KIF1B: variants seen among roughly 807,000 people sequenced by gnomAD.
KIF1B encodes the protein kinesin-like protein KIF1B.
In KIF1B, 76 loss-of-function variants were observed where a neutral mutation model predicts 241.9. The observed-to-expected ratio is 0.31, with a 90% CI of 0.26 to 0.38. The LOEUF is 0.38. Ranked by LOEUF, KIF1B falls within the 10% of genes least tolerant of loss-of-function variation. The pLI, the probability that KIF1B is intolerant of heterozygous loss-of-function variation, is 1.00. For missense variants in KIF1B, 1,622 were observed against 2,271.4 expected (o/e 0.71, Z 5.81); for synonymous variants, 750 against 796.7 (o/e 0.94, Z 0.99).
intron 27 of KIF1B, among the ~76,000 whole-genome samples, chr1:10,332,260 T>G (rs1312855837): frequency 6.6e-6 from 1 of 151,684 alleles, no homozygotes; most frequent in African/African-American, 2.4e-5. Context: ...GAGATGGGGT[T>G]TCACCATGTT....
Position 10,261,977 on chromosome 1 carries a change from A to G in KIF1B, c.429+7A>G, listed in dbSNP as rs370895789. On this transcript the variant is annotated splice_region_variant and intron_variant, in intron 5 of 48. Coordinates refer to ENST00000676179, the MANE Select transcript of KIF1B (RefSeq NM_001365951.3). ...AATGTCTTACTCTGTAGAGGTGAGT[A>G]CAGCCGTGAGTTGACACCGTAAGCC... 3.1e-5 allele frequency: 49 copies of G among 1,601,872 alleles called. No homozygotes were observed. The African/African-American group carries it at 4.4e-4, about 14-fold the overall frequency.
rs1638833144 is a variant in KIF1B, at chr1:10,374,570, A to G, written c.5096+105A>G. On this transcript the variant is annotated intron_variant, in intron 46 of 48. Coordinates refer to ENST00000676179, the MANE Select transcript of KIF1B (RefSeq NM_001365951.3). This position sits in a 1 kb window ranked among gnomAD's most constrained non-coding sequence, Gnocchi z 4.3. ...GAGGTCTGTACTGTAGTCTGATGCA[A>G]TCTGTACTGTAGTCTGATGCAAGTT... The G allele has an allele frequency of 6.0e-6, 8 of 1,323,272 alleles. No individual in the cohort carries two copies. The highest frequency in any genetic ancestry group is 1.7e-5 in the Admixed American group (1 of 59,074). 82.0% of individuals were successfully genotyped at this position (1,323,272 alleles called of 1,614,324 possible).
rs1651325468 is a variant in KIF1B, at chr1:10,316,864, A to AT, written c.2116-3175dup. Reference sequence around the variant, plus strand: ...TTACATCTGGGGTTGCAATATGGTGATTTTCCAATTGCCATTTCTTCTGCA... The same window carrying AT: ...TTACATCTGGGGTTGCAATATGGTGATTTTTCCAATTGCCATTTCTTCTGCA... On this transcript the variant is annotated intron_variant, in intron 22 of 48. Transcript: ENST00000676179. Among the ~76,000 whole-genome samples, 5 of 151,002 alleles carry AT rather than the reference A, an allele frequency of 3.3e-5. No homozygotes were observed. The South Asian group carries it at 1.0e-3, about 31-fold the overall frequency.
At chr1:10,222,645 G>A (rs1049890756) in intron 1 of KIF1B, among the ~76,000 whole-genome samples, 7 of 152,258 alleles carry the variant, frequency 4.6e-5, no homozygotes, top group African/African-American at 1.7e-4. Context: ...GGGCAAGTGG[G>A]AATTCTACAA....
chr1:10,282,578 C>T, intron 15 of KIF1B, 45 bp downstream of exon 15: 1 of 1,473,056 alleles, frequency 6.8e-7, no homozygotes, highest in Non-Finnish European at 9.5e-7. Flanking sequence ...TATGTAGCTC[C>T]ACAAGGAAGA....
intron 27 of KIF1B, among the ~76,000 whole-genome samples, chr1:10,327,593 G>C (rs2102303559): frequency 6.6e-6 from 1 of 152,002 alleles, no homozygotes; most frequent in South Asian, 2.1e-4. Context: ...ATTGTCTCTG[G>C]CTCTCAGTTT....
intron 22 of KIF1B, among the ~76,000 whole-genome samples, chr1:10,302,809 G>A (rs560114959): frequency 6.6e-6 from 1 of 152,182 alleles, no homozygotes; most frequent in Non-Finnish European, 1.5e-5. Context: ...GTTAAGTCAC[G>A]CCATTTGAAT....
At chr1:10,304,551 CAA>C in intron 22 of KIF1B, 1 of 1,614,040 alleles carries the variant, frequency 6.2e-7, no homozygotes, top group Non-Finnish European at 8.5e-7. Flanking sequence ...AGCAGACTGA[CAA>C]ACCCAGCCAC....
At chr1:10,300,347 T>A (rs1445400855) in intron 22 of KIF1B, among the ~76,000 whole-genome samples, 2 of 151,492 alleles carry the variant, frequency 1.3e-5, no homozygotes, top group Non-Finnish European at 2.9e-5. Context: ...GTTTTTAGTA[T>A]CACCATCAAT....
chr1:10,343,352 CTT>C, intron 34 of KIF1B, 65 bp downstream of exon 34: 1 of 1,478,236 alleles, frequency 6.8e-7, no homozygotes, highest in Non-Finnish European at 9.4e-7. Context: ...TTCTGAATGA[CTT>C]TTCAAATAGA....
In KIF1B at chr1:10,296,965, C is replaced by T. The variant is rs1195706897; in HGVS notation, c.1930C>T (p.Arg644Ter). The change falls in exon 21 of 49, where the codon CGA (arginine) becomes TGA (stop). Residue 644 changes from arginine (R) to a stop codon, truncating the protein, a stop_gained. Transcript: ENST00000676179. LOFTEE classifies it high-confidence loss of function. ...FNHPEQARAE[R>*]EKTPSAETPS... ...CCACCCGGAACAAGCACGAGCTGAG[C>T]GAGAGAAGACTCCTTCTGCTGAGAC... 1.2e-6 allele frequency: 2 copies of T among 1,613,850 alleles called. No homozygotes were observed. Among genetic ancestry groups the T allele is most frequent in the African/African-American group, 1.3e-5 (1 of 74,886 alleles).
At chr1:10,373,887 G>T (rs1345828855) in intron 45 of KIF1B, among the ~76,000 whole-genome samples, 1 of 152,194 alleles carries the variant, frequency 6.6e-6, no homozygotes, top group Non-Finnish European at 1.5e-5. Flanking sequence ...CGTAGGTCTG[G>T]CTTGGAGTCT....
Position 10,297,236 on chromosome 1 carries a change from AG to A in KIF1B, c.2106del (p.Gln702HisfsTer72). Reference sequence around the variant, plus strand: ...GAAGAAGCAGATCTTCTTTTGGAGCAGCAGAGACTGGTAGGAGTCCTGAATC... The same window carrying A: ...GAAGAAGCAGATCTTCTTTTGGAGCACAGAGACTGGTAGGAGTCCTGAATC... ...EKEEADLLLEQQRLDYESKLQ... is the reference protein window; with the variant it reads ...EKEEADLLLEXQRLDYESKLQ... On this transcript the variant is annotated frameshift_variant, in exon 22 of 49. Transcript: ENST00000676179. LOFTEE classifies it high-confidence loss of function. The A allele has an allele frequency of 6.2e-7, 1 of 1,613,092 alleles. No individual in the cohort carries two copies. Among genetic ancestry groups the A allele is most frequent in the Non-Finnish European group, 8.5e-7 (1 of 1,179,790 alleles).
intron 10 of KIF1B, among the ~76,000 whole-genome samples, chr1:10,273,594 G>A (rs958604306): frequency 9.3e-5 from 14 of 151,102 alleles, no homozygotes; most frequent in Non-Finnish European, 1.8e-4. Context: ...ATGACTTTCT[G>A]ATTGGTGGAT....
intron 5 of KIF1B, among the ~76,000 whole-genome samples, chr1:10,264,493 T>C (rs1409866411): frequency 6.6e-6 from 1 of 152,326 alleles, no homozygotes; most frequent in East Asian, 1.9e-4. Flanking sequence ...AAGGTACGAG[T>C]GTTCCAAAAG....
intron 1 of KIF1B, among the ~76,000 whole-genome samples, chr1:10,230,446 T>TC (rs1646966031): frequency 6.6e-6 from 1 of 151,766 alleles, no homozygotes. Context: ...TTCTTTCTTT[T>TC]TTTTTTTGAG....
At chr1:10,225,072 A>G (rs2102112003) in intron 1 of KIF1B, among the ~76,000 whole-genome samples, 1 of 152,334 alleles carries the variant, frequency 6.6e-6, no homozygotes, top group East Asian at 1.9e-4. Context: ...GGAGGAGCTC[A>G]GGCAATAATG....
intron 1 of KIF1B, among the ~76,000 whole-genome samples, chr1:10,218,917 G>A (rs1382254012): frequency 1.3e-5 from 2 of 152,094 alleles, no homozygotes; most frequent in African/African-American, 2.4e-5. Context: ...AATATATACA[G>A]TGAAGCTATT....
At chr1:10,260,387 C>T (rs1247486519) in intron 4 of KIF1B, among the ~76,000 whole-genome samples, 1 of 152,168 alleles carries the variant, frequency 6.6e-6, no homozygotes, top group South Asian at 2.1e-4. Context: ...AATGTGAAGG[C>T]CTAGGACATT....
Sources: gnomAD v4.1 joint callset for allele counts (sites outside exome capture counted in the v4.1 genomes callset) on GRCh38, gnomAD v4.1.1 for gene constraint, Gnocchi (gnomAD v3.1) non-coding constraint, MANE v1.5 for transcripts, NCBI Gene and HGNC (gene_info 2026-07-23, HGNC 2026-07-21) for gene names.